The following NYAP2 variants were observed in gnomAD, a reference collection of about 807,000 sequenced individuals.
NYAP2 encodes neuronal tyrosine-phosphorylated phosphoinositide-3-kinase adaptor 2, also known as neuronal tyrosine-phosphorylated phosphoinositide-3-kinase adapter 2.
Under a neutral mutation model 50.4 loss-of-function variants are expected in NYAP2, and 23 were observed. The ratio of observed to expected loss-of-function variants is 0.46; its 90% CI spans 0.33 to 0.65. The LOEUF (loss-of-function observed/expected upper bound fraction) is 0.65. NYAP2 is among the 30% of genes least tolerant of loss of function. The pLI, the probability that NYAP2 is intolerant of heterozygous loss-of-function variation, is 0.02. For missense variants in NYAP2, 885 were observed against 861.0 expected, an observed-to-expected ratio of 1.03 and a Z score of -0.35; for synonymous variants, 394 against 365.2, an observed-to-expected ratio of 1.08 and a Z score of -0.90.
At chr2:225,457,324 T>C (rs1689755364) in intron 3 of NYAP2, among the ~76,000 whole-genome samples, 1 of 152,224 alleles carries the variant, frequency 6.6e-6, no homozygotes, top group Non-Finnish European at 1.5e-5. Flanking sequence ...CTAGAAGGTA[T>C]GCTAATATTT....
At chr2:225,464,008 T>C (rs934645467) in intron 3 of NYAP2, among the ~76,000 whole-genome samples, 9 of 152,120 alleles carry the variant, frequency 5.9e-5, no homozygotes, top group African/African-American at 2.2e-4. Context: ...CTGTCTCAGA[T>C]GGGAGGGTTT....
chr2:225,683,187 CA>C, the NYAP2 span, among the ~76,000 whole-genome samples: 1 of 152,134 alleles, frequency 6.6e-6, no homozygotes, highest in Non-Finnish European at 1.5e-5. Context: ...TAATTTTCAG[CA>C]AAAACTTTTT....
At chr2:225,535,757 G>A (rs1161209806) in intron 4 of NYAP2, among the ~76,000 whole-genome samples, 3 of 152,182 alleles carry the variant, frequency 2.0e-5, no homozygotes, top group Admixed American at 2.0e-4. Flanking sequence ...ACAGATGGTG[G>A]TTGCTTAGAT....
At chr2:225,568,112 A>G (rs186539578) in intron 4 of NYAP2, among the ~76,000 whole-genome samples, 1 of 152,276 alleles carries the variant, frequency 6.6e-6, no homozygotes, top group African/African-American at 2.4e-5. Context: ...GATTGTTTTA[A>G]TCTCAAATTT....
the NYAP2 span, among the ~76,000 whole-genome samples, chr2:225,661,374 C>T: frequency 6.6e-6 from 1 of 152,206 alleles, no homozygotes; most frequent in Non-Finnish European, 1.5e-5. Context: ...AATCTTCATT[C>T]TTCATTCTGT....
chr2:225,455,240 A>G (rs1689721200), intron 3 of NYAP2, among the ~76,000 whole-genome samples: 1 of 152,230 alleles, frequency 6.6e-6, no homozygotes, highest in Non-Finnish European at 1.5e-5. Flanking sequence ...GGTTTTGTGT[A>G]GTTTTAAGCC....
At chr2:225,555,780 A>C (rs548061129) in intron 4 of NYAP2, among the ~76,000 whole-genome samples, 1 of 152,218 alleles carries the variant, frequency 6.6e-6, no homozygotes, top group South Asian at 2.1e-4. Flanking sequence ...TAGGAGTCCT[A>C]CAATTTCCAG....
chr2:225,556,663 C>T (rs1691781192), intron 4 of NYAP2, among the ~76,000 whole-genome samples: 1 of 152,114 alleles, frequency 6.6e-6, no homozygotes, highest in Non-Finnish European at 1.5e-5. Context: ...AAATGGCTCC[C>T]CCTGGGTGCA....
chr2:225,618,498 C>G (rs1234683581), intron 5 of NYAP2, among the ~76,000 whole-genome samples: 1 of 152,192 alleles, frequency 6.6e-6, no homozygotes, highest in Non-Finnish European at 1.5e-5. Flanking sequence ...CTGGTATTAA[C>G]TCTTTACTCA....
At chr2:225,693,342 G>A in the NYAP2 span, among the ~76,000 whole-genome samples, 4 of 152,090 alleles carry the variant, frequency 2.6e-5, no homozygotes, top group Non-Finnish European at 5.9e-5. Flanking sequence ...CTCATGATTA[G>A]AGTGGAGTTA....
intron 4 of NYAP2, 136 bp from the exon 5 acceptor site, chr2:225,581,805 A>T: frequency 1.2e-6 from 1 of 805,576 alleles, no homozygotes; most frequent in Non-Finnish European, 2.0e-6. Flanking sequence ...GTTGATTTTT[A>T]CTCTGAAACT....
the NYAP2 span, among the ~76,000 whole-genome samples, chr2:225,674,069 G>C: frequency 6.6e-6 from 1 of 152,116 alleles, no homozygotes; most frequent in African/African-American, 2.4e-5. Flanking sequence ...GAAATCGCCT[G>C]AGCTGAGTCT....
At chr2:225,670,599 A>G in the NYAP2 span, among the ~76,000 whole-genome samples, 2 of 79,922 alleles carry the variant, frequency 2.5e-5, no homozygotes, top group African/African-American at 1.1e-4. Flanking sequence ...CGTCTTCAGT[A>G]TTTTCCAAAA....
chr2:225,422,034 G>C (rs1695224460), intron 3 of NYAP2, among the ~76,000 whole-genome samples: 1 of 149,712 alleles, frequency 6.7e-6, no homozygotes, highest in South Asian at 2.1e-4. Context: ...TCTTTTTCTG[G>C]TTTCCTGTCT....
At chr2:225,605,205 A>G (rs1383753260) in intron 5 of NYAP2, among the ~76,000 whole-genome samples, 1 of 152,088 alleles carries the variant, frequency 6.6e-6, no homozygotes, top group African/African-American at 2.4e-5. Flanking sequence ...GCATTTTTCC[A>G]TCTGCCTGTT....
intron 3 of NYAP2, among the ~76,000 whole-genome samples, chr2:225,462,770 C>T (rs191097666): frequency 1.2e-3 from 181 of 151,272 alleles, no homozygotes; most frequent in Non-Finnish European, 7.2e-4. Flanking sequence ...TTAGAGCCCC[C>T]TCTAGTAGCT....
At chr2:225,494,714 T>C (rs1390219765) in intron 3 of NYAP2, among the ~76,000 whole-genome samples, 1 of 152,168 alleles carries the variant, frequency 6.6e-6, no homozygotes, top group Non-Finnish European at 1.5e-5. Context: ...ATATTGTCTA[T>C]GGAAAGGTTA....
chr2:225,470,661 A>C (rs1305147271), intron 3 of NYAP2, among the ~76,000 whole-genome samples: 1 of 152,206 alleles, frequency 6.6e-6, no homozygotes, highest in East Asian at 1.9e-4. Flanking sequence ...AGTGTTCTAA[A>C]GTGTGAATAG....
intron 3 of NYAP2, among the ~76,000 whole-genome samples, chr2:225,482,402 G>C (rs1559191888): frequency 6.6e-6 from 1 of 152,050 alleles, no homozygotes. Context: ...CCTCTGCAGT[G>C]TTTCCCTTAG....
Sources: allele counts gnomAD v4.1 joint callset (sites outside exome capture counted in the v4.1 genomes callset), GRCh38; gene constraint gnomAD v4.1.1; transcripts MANE v1.5; gene names NCBI Gene and HGNC (gene_info 2026-07-23, HGNC 2026-07-21).